Variants in TMC4 observed in about 807,000 individuals in gnomAD.
The protein encoded by TMC4 is voltage-gated chloride channel TMC4.
TMC4 carries 70 observed loss-of-function variants against 82.0 expected under a neutral mutation model. The observed-to-expected ratio is 0.85, with a 90% confidence interval of 0.70 to 1.04. TMC4 has a LOEUF of 1.04. Among genes scored for constraint, TMC4 ranks in the 50% least tolerant of loss-of-function variants. The pLI is 0.00. For synonymous variants in TMC4, 446 were observed against 406.0 expected, an observed-to-expected ratio of 1.10 and a Z score of -1.18; for missense variants, 879 against 899.0, an observed-to-expected ratio of 0.98 and a Z score of 0.28.
chr19:54,163,932 G>A (rs1259470183), intron 7 of TMC4, 45 bp from the exon 8 acceptor site: 1 of 1,602,566 alleles, frequency 6.2e-7, no homozygotes, highest in Non-Finnish European at 8.5e-7. Flanking sequence ...GGTCCTGGAG[G>A]AGCCAAGCTT....
intron 8 of TMC4, 148 bp downstream of exon 8, chr19:54,163,576 G>A (rs2075623310): frequency 2.1e-6 from 2 of 967,452 alleles, no homozygotes; most frequent in Admixed American, 1.8e-5. Context: ...GATTACAGGT[G>A]TGAGCCACTG....
At chr19:54,165,287 C>T (rs2075673798) in intron 6 of TMC4, 132 bp downstream of exon 6, 1 of 1,085,100 alleles carries the variant, frequency 9.2e-7, no homozygotes, top group African/African-American at 1.6e-5. Flanking sequence ...TTCCCCAGGA[C>T]CTGCCTTTCT....
intron 2 of TMC4, among the ~76,000 whole-genome samples, chr19:54,170,707 A>G (rs2075861801): frequency 1.3e-5 from 2 of 152,012 alleles, no homozygotes; most frequent in Admixed American, 1.3e-4. Context: ...ATCATAGCTC[A>G]ATGCAGCCTC....
chr19:54,160,809 T>C (rs2075525383), intron 13 of TMC4, 69 bp downstream of exon 13: 3 of 1,576,736 alleles, frequency 1.9e-6, no homozygotes, highest in African/African-American at 1.4e-5. Flanking sequence ...CTCTCCTCTC[T>C]TGGACGCAGG....
chr19:54,161,315 CATTTTT>C, intron 11 of TMC4, 55 bp from the exon 12 acceptor site: 1 of 1,103,248 alleles, frequency 9.1e-7, no homozygotes, highest in African/African-American at 1.7e-5. Context: ...TCTGTGCCTC[CATTTTT>C]TTTTTTTTTT....
At chr19:54,171,751 G>A in intron 2 of TMC4, 119 bp downstream of exon 2, 8 of 886,170 alleles carry the variant, frequency 9.0e-6, no homozygotes, top group South Asian at 3.6e-5. Flanking sequence ...TCTGAGCGGG[G>A]CAGAGAGAGG....
chr19:54,169,438 G>A (rs2075828467), intron 3 of TMC4, 74 bp downstream of exon 3: 23 of 1,497,110 alleles, frequency 1.5e-5, no homozygotes, highest in East Asian at 2.4e-5. Context: ...CCAGGAGTCC[G>A]TCCCCAGCCC....
In TMC4 at chr19:54,163,722, A is replaced by T. The variant is rs759832669; in HGVS notation, c.1277+2T>A. ...TCCCAGCCATCCCCGTGAGGCTGGA[A>T]CCTGAGCAGGATAAAAACGATCTGG... On this transcript the variant is annotated splice_donor_variant, in intron 8 of 14. Transcript: ENST00000619895. LOFTEE classifies it high-confidence loss of function. The T allele has an allele frequency of 6.8e-6, 11 of 1,613,842 alleles. No individual in the cohort carries two copies. The Admixed American group carries it at 1.3e-4, about 20-fold the overall frequency.
In TMC4 at chr19:54,172,074, A is replaced by G. The variant is rs770599102; in HGVS notation, c.89T>C (p.Leu30Pro). Reference sequence around the variant, plus strand: ...GGGCAGCTCGTTCAGCACAGAAGACAGCGATGGGCCTGGGGAGGAGCAGGG... The same window carrying G: ...GGGCAGCTCGTTCAGCACAGAAGACGGCGATGGGCCTGGGGAGGAGCAGGG... ...APREARGGPS[L>P]SSVLNELPSA... is the part of the protein sequence containing the mutation. The change falls in exon 2 of 15, where the codon CTG (leucine) becomes CCG (proline). Residue 30 changes from leucine (L) to proline (P), a missense_variant. Physicochemically the swap from Leu to Pro is moderately conservative, Grantham distance 98 (BLOSUM62 -3). Coordinates refer to ENST00000619895, the MANE Select transcript of TMC4 (RefSeq NM_144686.4). 1 of 1,597,428 alleles carries G rather than the reference A, an allele frequency of 6.3e-7. No individual in the cohort carries two copies.
rs373629725 is a variant in TMC4 at position 54,160,447 on chromosome 19, C to G, written c.2052+20G>C. ...TTTCCATGTTCCCCAGGGGCCCTCT[C>G]AGGGACCCGCCTGGCTCACCGTCTC... On this transcript the variant is annotated intron_variant, in intron 14 of 14. Transcript: ENST00000619895. 8.7e-6 allele frequency: 14 copies of G among 1,612,244 alleles called. No individual in the cohort carries two copies. The highest frequency in any genetic ancestry group is 1.1e-5 in the Non-Finnish European group (13 of 1,178,786).
chr19:54,166,457 G>A (rs1375679639), intron 5 of TMC4, among the ~76,000 whole-genome samples: 1 of 152,064 alleles, frequency 6.6e-6, no homozygotes, highest in Admixed American at 6.6e-5. Context: ...AAGAGACCAT[G>A]TGCACCTTCA....
At position 54,168,645 on chromosome 19, in the gene TMC4, G is replaced by C; in HGVS notation, c.478C>G (p.Leu160Val). 1 of 1,579,812 alleles carries C rather than the reference G, an allele frequency of 6.3e-7. No homozygotes were observed. Among genetic ancestry groups the C allele is most frequent in the Non-Finnish European group, 8.6e-7 (1 of 1,162,908 alleles). The part of the protein sequence containing the change: ...FGAGTESYFS[L>V]LRFLLLLNVL... ...TTAAGAAGGAGCAGGAAGCGCAGCA[G>C]GGAGAAGTAGGACTCCGTGCCGGCG... The change falls in exon 4 of 15, where the codon CTG (leucine) becomes GTG (valine). Residue 160 changes from leucine to valine, a missense_variant. Leu to Val is a conservative substitution (Grantham distance 32, BLOSUM62 1). Coordinates refer to ENST00000619895, the MANE Select transcript of TMC4 (RefSeq NM_144686.4).
At chr19:54,164,816 G>A in intron 6 of TMC4, 2 of 623,968 alleles carry the variant, frequency 3.2e-6, no homozygotes, top group Non-Finnish European at 2.7e-6. Context: ...AGCAACCCAA[G>A]CCCCCATCCC....
intron 13 of TMC4, 69 bp from the exon 14 acceptor site, chr19:54,160,614 C>G (rs1341013448): frequency 7.5e-6 from 12 of 1,605,928 alleles, no homozygotes; most frequent in East Asian, 4.5e-5. Context: ...CTGGCTCCTT[C>G]GAAGCCAGGG....
At chr19:54,167,684 C>T (rs2075738240) in intron 5 of TMC4, among the ~76,000 whole-genome samples, 1 of 150,438 alleles carries the variant, frequency 6.6e-6, no homozygotes, top group African/African-American at 2.4e-5. Context: ...ACTCGGCTCA[C>T]TGCAAGCTCC....
chr19:54,167,496 T>A (rs2075732530), intron 5 of TMC4, among the ~76,000 whole-genome samples: 2 of 149,188 alleles, frequency 1.3e-5, no homozygotes, highest in South Asian at 4.3e-4. Flanking sequence ...GAGGTGGAGG[T>A]TGCAGTGAGC....
At chr19:54,167,097 A>G (rs1253321754) in intron 5 of TMC4, among the ~76,000 whole-genome samples, 1 of 152,132 alleles carries the variant, frequency 6.6e-6, no homozygotes, top group Non-Finnish European at 1.5e-5. Context: ...TGTCTCTATA[A>G]CATTAAAAAA....
In TMC4 at chr19:54,162,240, C is replaced by G. The variant is rs1568723285; in HGVS notation, c.1548G>C (p.Gly516=). 1 of 1,608,514 alleles carries G rather than the reference C, an allele frequency of 6.2e-7. No homozygotes were observed. The highest frequency in any genetic ancestry group is 1.7e-5 in the Admixed American group (1 of 59,234). ...LCPGALGRLA[G]TQEFQVPDEV... ...CGTCGGGCACCTGGAACTCTTGGGTCCCCGCCAGACGACCCAGCGCCCCAG... is the reference window on the plus strand; with the variant it reads ...CGTCGGGCACCTGGAACTCTTGGGTGCCCGCCAGACGACCCAGCGCCCCAG... Residue 516 remains glycine (G), a synonymous_variant, in exon 11 of 15, where the codon GGG becomes GGC. Coordinates refer to ENST00000619895, the MANE Select transcript of TMC4 (RefSeq NM_144686.4).
intron 10 of TMC4, 106 bp from the exon 11 acceptor site, chr19:54,162,391 G>A: frequency 1.9e-5 from 5 of 260,496 alleles, no homozygotes; most frequent in Middle Eastern, 1.3e-3. Flanking sequence ...ATTGGTGGTG[G>A]GGGGGGGGGG....
Sources: gnomAD v4.1 joint callset for allele counts (sites outside exome capture counted in the v4.1 genomes callset) on GRCh38, gnomAD v4.1.1 for gene constraint, MANE v1.5 for transcripts, NCBI Gene and HGNC (gene_info 2026-07-23, HGNC 2026-07-21) for gene names.